BBX: variants seen among roughly 807,000 people sequenced by gnomAD.
The protein encoded by BBX is BBX high mobility group box domain containing, also known as HMG box transcription factor BBX.
In BBX, 30 loss-of-function variants were observed where a neutral mutation model predicts 100.2. The ratio of observed to expected loss-of-function variants is 0.30; its 90% CI spans 0.22 to 0.41. The LOEUF (loss-of-function observed/expected upper bound fraction) is 0.41. BBX is among the 10% of genes least tolerant of loss of function. BBX has a pLI of 1.00. For synonymous variants in BBX, 376 were observed against 388.1 expected (o/e 0.97, Z 0.37); for missense variants, 1,023 against 1,129.8 (o/e 0.91, Z 1.35).
At chr3:107,798,363 G>A (rs2069983643) in intron 15 of BBX, among the ~76,000 whole-genome samples, 160 bp from the exon 16 acceptor site, 1 of 152,148 alleles carries the variant, frequency 6.6e-6, no homozygotes. Flanking sequence ...AAACAAGTTA[G>A]GGGCAACGTT....
At chr3:107,747,408 A>G (rs1051668419) in intron 8 of BBX, among the ~76,000 whole-genome samples, 12 of 152,124 alleles carry the variant, frequency 7.9e-5, no homozygotes, top group Non-Finnish European at 1.5e-4. Flanking sequence ...TATCATCATC[A>G]TCAATTTACA....
At chr3:107,594,496 T>C (rs1243782725) in intron 2 of BBX, among the ~76,000 whole-genome samples, 1 of 152,176 alleles carries the variant, frequency 6.6e-6, no homozygotes, top group Non-Finnish European at 1.5e-5. Context: ...GTGGTGGGAA[T>C]AAATGCAGTG....
At chr3:107,625,751 A>G (rs1056911169) in intron 2 of BBX, among the ~76,000 whole-genome samples, 1 of 152,200 alleles carries the variant, frequency 6.6e-6, no homozygotes, top group Non-Finnish European at 1.5e-5. Context: ...ACTTCACCAT[A>G]TAGGTGCCTT....
intron 4 of BBX, among the ~76,000 whole-genome samples, chr3:107,712,068 A>T (rs2061760006): frequency 6.6e-6 from 1 of 152,040 alleles, no homozygotes; most frequent in African/African-American, 2.4e-5. Flanking sequence ...GTAAAGACAG[A>T]GTCTGACTAT....
At chr3:107,752,758 A>G (rs1461103521) in intron 9 of BBX, among the ~76,000 whole-genome samples, 3 of 152,212 alleles carry the variant, frequency 2.0e-5, no homozygotes, top group Non-Finnish European at 4.4e-5. Flanking sequence ...GGCAAGCCCT[A>G]TCCAATTTGA....
chr3:107,798,401 G>A (rs2069989227), intron 15 of BBX, 122 bp from the exon 16 acceptor site: 2 of 896,988 alleles, frequency 2.2e-6, no homozygotes, highest in Admixed American at 2.5e-5. Context: ...TCAGTACTTT[G>A]AAAACTCTGA....
chr3:107,623,963 A>G (rs2055973888), intron 2 of BBX, among the ~76,000 whole-genome samples: 1 of 152,110 alleles, frequency 6.6e-6, no homozygotes, highest in African/African-American at 2.4e-5. Context: ...GACTTTTAAA[A>G]CTCAAATGTG....
intron 3 of BBX, among the ~76,000 whole-genome samples, chr3:107,696,274 C>T (rs374794479): frequency 2.0e-5 from 3 of 151,708 alleles, no homozygotes; most frequent in Non-Finnish European, 4.4e-5. Context: ...GTTAGTTGAT[C>T]GCAGTTTCTT....
rs147479819 is a variant in BBX at position 107,801,274 on chromosome 3, G to A, written c.2731G>A (p.Val911Met). Residue 911 changes from valine to methionine, a missense_variant, in exon 17 of 18, where the codon GTG (valine) becomes ATG (methionine). Val to Met is a conservative substitution (Grantham distance 21, BLOSUM62 1). This residue lies in a region of BBX where 104 missense variants were observed against 132.2 expected (regional missense o/e 0.79). Coordinates refer to ENST00000325805, the MANE Select transcript of BBX (RefSeq NM_001142568.3). ...ALAEVAAMENVHRGQRSTPLT... is the reference protein window; with the variant it reads ...ALAEVAAMENMHRGQRSTPLT... ...GGCTGAAGTGGCAGCCATGGAAAATGTGCACAGGTTAGTGGTAGAAGGTGG... is the reference window on the plus strand; with the variant it reads ...GGCTGAAGTGGCAGCCATGGAAAATATGCACAGGTTAGTGGTAGAAGGTGG... 1 of 1,613,966 alleles carries A rather than the reference G, an allele frequency of 6.2e-7. No individual in the cohort carries two copies. Among genetic ancestry groups the A allele is most frequent in the Non-Finnish European group, 8.5e-7 (1 of 1,179,932 alleles).
chr3:107,762,473 A>G (rs1310173954), intron 10 of BBX, among the ~76,000 whole-genome samples: 1 of 152,246 alleles, frequency 6.6e-6, no homozygotes, highest in Admixed American at 6.5e-5. Context: ...CTCAGAAACC[A>G]TCAACCAGTG....
chr3:107,656,180 A>T (rs1167937590), intron 3 of BBX, among the ~76,000 whole-genome samples: 1 of 152,168 alleles, frequency 6.6e-6, no homozygotes, highest in Non-Finnish European at 1.5e-5. Context: ...AAGAGAAAAA[A>T]ATATTTTTTC....
intron 2 of BBX, among the ~76,000 whole-genome samples, chr3:107,559,643 ACTT>A (rs1477639459): frequency 6.6e-6 from 1 of 152,200 alleles, no homozygotes. Context: ...GATTTAGAGA[ACTT>A]CATTGTAGAG....
chr3:107,584,012 T>A (rs1248994726), intron 2 of BBX, among the ~76,000 whole-genome samples: 1 of 76,954 alleles, frequency 1.3e-5, no homozygotes, highest in Non-Finnish European at 2.3e-5. Flanking sequence ...TTATATATAT[T>A]ATACATATTA....
chr3:107,659,607 C>T (rs759195981), intron 3 of BBX: 5 of 514,864 alleles, frequency 9.7e-6, no homozygotes, highest in Non-Finnish European at 1.5e-5. Context: ...ATTATCTGCC[C>T]AAGGTTACGC....
intron 7 of BBX, among the ~76,000 whole-genome samples, chr3:107,739,535 C>T (rs1053608505): frequency 6.6e-6 from 1 of 152,190 alleles, no homozygotes; most frequent in African/African-American, 2.4e-5. Context: ...TCCTTTTACC[C>T]AGCTTGATTG....
chr3:107,621,866 A>G (rs890653171), intron 2 of BBX, among the ~76,000 whole-genome samples: 1 of 151,806 alleles, frequency 6.6e-6, no homozygotes, highest in African/African-American at 2.4e-5. Flanking sequence ...CCCTTTAAAT[A>G]CTCTTATTCA....
chr3:107,791,378 A>G (rs2069010886), intron 15 of BBX, 79 bp downstream of exon 15: 1 of 1,244,500 alleles, frequency 8.0e-7, no homozygotes, highest in African/African-American at 1.5e-5. Flanking sequence ...TAAAAGGTAT[A>G]ATTTATATAG....
In BBX at chr3:107,808,617, G is replaced by GT. The variant is rs2071173671; in HGVS notation, c.*3161dup. 2 of 152,268 alleles carry GT rather than the reference G, an allele frequency of 1.3e-5. No homozygotes were observed. Among genetic ancestry groups the GT allele is most frequent in the East Asian group, 1.9e-4 (1 of 5,192 alleles). 9.4% of individuals were successfully genotyped at this position (152,268 alleles called of 1,614,324 possible). A position where few individuals can be genotyped will look rare whatever the true frequency, so the allele number is the denominator to read the frequency against. On this transcript the variant is annotated 3_prime_UTR_variant, in exon 18 of 18. Transcript: ENST00000325805. ...GAAGCTGAGTGAAAGAAAAAATACT[G>GT]TAAGACATCCTTAAAGTTTTTATTT...
chr3:107,703,389 G>A (rs755504827), intron 3 of BBX, among the ~76,000 whole-genome samples: 23 of 152,074 alleles, frequency 1.5e-4, no homozygotes, highest in African/African-American at 2.7e-4. Context: ...GGTAGCTTTC[G>A]TCTCTGTTTG....
Sources: gnomAD v4.1 joint callset for allele counts (sites outside exome capture counted in the v4.1 genomes callset) on GRCh38, gnomAD v4.1.1 for gene constraint, gnomAD v4.1.1 regional missense constraint, MANE v1.5 for transcripts, NCBI Gene and HGNC (gene_info 2026-07-23, HGNC 2026-07-21) for gene names.